Variants in LYPLAL1 observed in about 807,000 individuals in gnomAD.
LYPLAL1 encodes lysophospholipase like 1, also known as lysophospholipase-like protein 1.
LYPLAL1 carries 23 observed loss-of-function variants against 19.7 expected under a neutral mutation model. The observed-to-expected ratio is 1.17, with a 90% confidence interval of 0.84 to 1.65. The LOEUF (loss-of-function observed/expected upper bound fraction) is 1.65. LYPLAL1 is among the 40% of genes most tolerant of loss of function. The pLI, the probability that LYPLAL1 is intolerant of heterozygous loss-of-function variation, is 0.00. For missense variants in LYPLAL1, 355 were observed against 279.4 expected (o/e 1.27, Z -1.93); for synonymous variants, 119 against 96.3 (o/e 1.24, Z -1.38).
the LYPLAL1 span, among the ~76,000 whole-genome samples, chr1:219,257,917 G>A: frequency 6.6e-6 from 1 of 152,080 alleles, no homozygotes; most frequent in Admixed American, 6.6e-5. Flanking sequence ...GACACTCCCA[G>A]AGTGGCCATT....
the LYPLAL1 span, among the ~76,000 whole-genome samples, chr1:219,292,091 C>A: frequency 6.6e-6 from 1 of 152,092 alleles, no homozygotes; most frequent in Non-Finnish European, 1.5e-5. Context: ...GCTCCTCACC[C>A]GTCTTTTGCT....
the LYPLAL1 span, among the ~76,000 whole-genome samples, chr1:219,415,440 G>T: frequency 6.6e-6 from 1 of 152,202 alleles, no homozygotes; most frequent in Non-Finnish European, 1.5e-5. Flanking sequence ...AATTATTCAG[G>T]TGAAAATATC....
chr1:219,181,397 G>GTA (rs1424849994), intron 2 of LYPLAL1, among the ~76,000 whole-genome samples: 2 of 152,114 alleles, frequency 1.3e-5, no homozygotes, highest in Non-Finnish European at 2.9e-5. Context: ...ACAGTAGATT[G>GTA]GGAGCCACTG....
At chr1:219,379,892 A>G in the LYPLAL1 span, among the ~76,000 whole-genome samples, 1 of 152,234 alleles carries the variant, frequency 6.6e-6, no homozygotes, top group Non-Finnish European at 1.5e-5. Flanking sequence ...GGAGAAGAAA[A>G]CATGCCCACG....
chr1:219,280,976 G>T, the LYPLAL1 span, among the ~76,000 whole-genome samples: 92 of 152,326 alleles, frequency 6.0e-4, no homozygotes, highest in Non-Finnish European at 1.1e-3. Context: ...TTGAACCCAG[G>T]AGGCAGAGGT....
chr1:219,418,844 T>C, the LYPLAL1 span, among the ~76,000 whole-genome samples: 4 of 152,370 alleles, frequency 2.6e-5, no homozygotes, highest in East Asian at 7.7e-4. Context: ...CAGGATCATT[T>C]TATTATCTCT....
chr1:219,186,936 C>T (rs910995167), intron 2 of LYPLAL1, among the ~76,000 whole-genome samples: 4 of 151,436 alleles, frequency 2.6e-5, no homozygotes, highest in Non-Finnish European at 5.9e-5. Flanking sequence ...TTGAATTATT[C>T]GTTTTTTAAT....
At chr1:219,364,934 A>C in the LYPLAL1 span, among the ~76,000 whole-genome samples, 1 of 152,082 alleles carries the variant, frequency 6.6e-6, no homozygotes, top group Admixed American at 6.6e-5. Context: ...ATTTAGTTAA[A>C]CTGTGTTTCT....
chr1:219,411,503 A>C, the LYPLAL1 span, among the ~76,000 whole-genome samples: 4 of 152,096 alleles, frequency 2.6e-5, no homozygotes, highest in South Asian at 2.1e-4. Flanking sequence ...ACGCACCAAT[A>C]AGCGCCCTGA....
the LYPLAL1 span, among the ~76,000 whole-genome samples, chr1:219,367,508 T>C: frequency 1.3e-5 from 2 of 152,084 alleles, no homozygotes; most frequent in African/African-American, 4.8e-5. Context: ...CCTTTTTCCA[T>C]TTAGAAAAAA....
At chr1:219,271,472 A>C in the LYPLAL1 span, 2 of 151,990 alleles carry the variant, frequency 1.3e-5, no homozygotes, top group African/African-American at 4.8e-5. Flanking sequence ...AAGGATTATA[A>C]TCTTTTGCAT....
At chr1:219,187,628 G>A (rs1656833140) in intron 2 of LYPLAL1, among the ~76,000 whole-genome samples, 1 of 151,580 alleles carries the variant, frequency 6.6e-6, no homozygotes, top group African/African-American at 2.4e-5. Context: ...GATTTGCATA[G>A]TGCCTATACT....
chr1:219,230,406 C>T, the LYPLAL1 span, among the ~76,000 whole-genome samples: 3 of 150,744 alleles, frequency 2.0e-5, no homozygotes, highest in Admixed American at 2.0e-4. Flanking sequence ...CCACCGCACC[C>T]GGCCGTAGGT....
At chr1:219,316,895 G>A in the LYPLAL1 span, among the ~76,000 whole-genome samples, 1 of 152,094 alleles carries the variant, frequency 6.6e-6, no homozygotes, top group African/African-American at 2.4e-5. Context: ...CTGGGGGGAG[G>A]AGGAAATGGG....
the LYPLAL1 span, among the ~76,000 whole-genome samples, chr1:219,381,335 A>G: frequency 6.6e-6 from 1 of 152,290 alleles, no homozygotes; most frequent in South Asian, 2.1e-4. Context: ...AGTCCATTCA[A>G]CCTTCTTCCT....
the LYPLAL1 span, among the ~76,000 whole-genome samples, chr1:219,351,447 A>T: frequency 3.3e-4 from 50 of 152,070 alleles, no homozygotes; most frequent in Middle Eastern, 6.8e-3. Flanking sequence ...TTACTAACCC[A>T]CTCTCATGAG....
chr1:219,326,466 A>T, the LYPLAL1 span, among the ~76,000 whole-genome samples: 1 of 152,164 alleles, frequency 6.6e-6, no homozygotes, highest in Non-Finnish European at 1.5e-5. Context: ...CTGAATCTTC[A>T]TTCTGTATCT....
intron 2 of LYPLAL1, among the ~76,000 whole-genome samples, chr1:219,185,579 T>C (rs989653505): frequency 2.6e-5 from 4 of 151,948 alleles, no homozygotes; most frequent in Non-Finnish European, 5.9e-5. Context: ...TTTTGTTATG[T>C]TCACAAATTT....
the LYPLAL1 span, among the ~76,000 whole-genome samples, chr1:219,356,447 T>TA: frequency 1.3e-5 from 2 of 151,852 alleles, no homozygotes; most frequent in African/African-American, 4.8e-5. Flanking sequence ...TCGCAGTGAG[T>TA]TGAGATCACA....
Sources: allele counts gnomAD v4.1 joint callset (sites outside exome capture counted in the v4.1 genomes callset), GRCh38; gene constraint gnomAD v4.1.1; transcripts MANE v1.5; gene names NCBI Gene and HGNC (gene_info 2026-07-23, HGNC 2026-07-21).